Variants in MATN1 observed in about 807,000 individuals in gnomAD.
MATN1 encodes matrilin 1, also known as matrilin-1.
A neutral mutation model predicts 41.3 loss-of-function variants in MATN1; 34 were observed. The observed-to-expected ratio is 0.82, with a 90% confidence interval of 0.63 to 1.10. The LOEUF is 1.10. Ranked by LOEUF, MATN1 falls within the 50% of genes least tolerant of loss-of-function variation. The pLI is 0.00. For missense variants in MATN1, 602 were observed against 662.4 expected (o/e 0.91, Z 1.00); for synonymous variants, 264 against 278.7 (o/e 0.95, Z 0.53).
In MATN1 at chr1:30,716,842, G is replaced by A. The variant is rs189570035; in HGVS notation, c.738C>T (p.Thr246=). The A allele has an allele frequency of 6.1e-4, 978 of 1,614,062 alleles. 8 individuals are homozygous for A. The East Asian group carries it at 0.017, about 28-fold the overall frequency. ...GAGTGAAGCCCTCGTGGCAGGCGCA[G>A]GTGTAGGAACCGGGGGAGCTGATGC... The part of the protein sequence containing the change: ...QVCISSPGSY[T]CACHEGFTLN... Residue 246 remains threonine (T), a synonymous_variant, in exon 4 of 8, where the codon ACC becomes ACT. Coordinates refer to ENST00000373765, the MANE Select transcript of MATN1 (RefSeq NM_002379.3).
intron 7 of MATN1, 33 bp downstream of exon 7, chr1:30,714,214 T>G: frequency 2.3e-6 from 2 of 857,412 alleles, no homozygotes; most frequent in Non-Finnish European, 3.6e-6. Flanking sequence ...CCTGCGCCCC[T>G]CCCCAGCCCC....
intron 3 of MATN1, 43 bp downstream of exon 3, chr1:30,718,692 T>C: frequency 3.9e-6 from 4 of 1,016,168 alleles, no homozygotes; most frequent in Non-Finnish European, 3.9e-6. Flanking sequence ...CGCTCTCCCC[T>C]TCTCCGCCCC....
At position 30,721,687 on chromosome 1, in the gene MATN1, C is replaced by A. The variant is rs1431288706; in HGVS notation, c.159G>T (p.Arg53=). 1 of 1,613,212 alleles carries A rather than the reference C, an allele frequency of 6.2e-7. No homozygotes were observed. ...VFVVDSSRSV[R]PVEFEKVKVF... ...CCTTCACTTTCTCAAATTCAACAGG[C>A]CGAACGCTGCGAGAGCTGTCGACAA... Residue 53 remains arginine, a synonymous_variant, in exon 2 of 8, where the codon CGG becomes CGT. Transcript: ENST00000373765.
chr1:30,715,383 G>A, intron 5 of MATN1, 74 bp from the exon 6 acceptor site: 1 of 1,510,500 alleles, frequency 6.6e-7, no homozygotes, highest in Non-Finnish European at 9.1e-7. Flanking sequence ...CCTGGGGAAG[G>A]CTTAGGCAGC....
At chr1:30,714,620 A>G (rs1163347959) in intron 6 of MATN1, among the ~76,000 whole-genome samples, 1 of 152,180 alleles carries the variant, frequency 6.6e-6, no homozygotes, top group Non-Finnish European at 1.5e-5. Context: ...ATGTCACCTC[A>G]GTGAGTTCAC....
intron 2 of MATN1, chr1:30,720,809 C>T (rs1335953432): frequency 6.5e-6 from 1 of 153,076 alleles, no homozygotes; most frequent in Non-Finnish European, 1.5e-5. Flanking sequence ...TGCCTGGAGC[C>T]CTCACTGACA....
chr1:30,715,816 A>T, intron 5 of MATN1, 93 bp downstream of exon 5: 1 of 1,333,018 alleles, frequency 7.5e-7, no homozygotes, highest in Non-Finnish European at 1.0e-6. Flanking sequence ...TAGGGCACTA[A>T]TCAGACGACA....
Position 30,721,686 on chromosome 1 carries a change from G to T in MATN1, c.160C>A (p.Pro54Thr), listed in dbSNP as rs765812546. The T allele has an allele frequency of 6.2e-7, 1 of 1,613,194 alleles. No individual in the cohort carries two copies. Among genetic ancestry groups the T allele is most frequent in the East Asian group, 2.2e-5 (1 of 44,882 alleles). ...FVVDSSRSVR[P>T]VEFEKVKVFL... The stretch of plus-strand genomic sequence containing the variant: ...ACCTTCACTTTCTCAAATTCAACAG[G>T]CCGAACGCTGCGAGAGCTGTCGACA... Residue 54 changes from proline to threonine, a missense_variant, in exon 2 of 8, where the codon CCT becomes ACT. Coordinates refer to ENST00000373765, the MANE Select transcript of MATN1 (RefSeq NM_002379.3).
chr1:30,723,364 C>A, intron 1 of MATN1, 94 bp downstream of exon 1: 1 of 940,930 alleles, frequency 1.1e-6, no homozygotes, highest in South Asian at 2.0e-5. Flanking sequence ...ATCCTGGATC[C>A]CGTGTGCTCC....
In MATN1 at chr1:30,711,773, G is replaced by C. The variant is rs566671686; in HGVS notation, c.*1809C>G. 1.3e-5 allele frequency: 2 copies of C among 152,380 alleles called. No homozygotes were observed. The highest frequency in any genetic ancestry group is 3.9e-4 in the East Asian group (2 of 5,184). The allele number at this position is 152,380 out of a possible 1,614,324, so 9.4% of individuals were successfully genotyped here. A position where few individuals can be genotyped will look rare whatever the true frequency, so the allele number is the denominator to read the frequency against. ...CTTCTCAGTCCATATCAACATGGCT[G>C]CCTCTCCCCCTCCCCACCTGTGTGG... On this transcript the variant is annotated 3_prime_UTR_variant, in exon 8 of 8. Transcript: ENST00000373765.
At position 30,713,402 on chromosome 1, in the gene MATN1, TGCACACATACACACAC is replaced by T; in HGVS notation, c.*164_*179del. ...GCACACACACACACACACACACACA[TGCACACATACACACAC>T]GCACACATACACACACGAGCTCCCA... is the stretch of plus-strand genomic sequence containing the variant. On this transcript the variant is annotated 3_prime_UTR_variant, in exon 8 of 8. Transcript: ENST00000373765. 3 of 602,326 alleles carry T rather than the reference TGCACACATACACACAC, an allele frequency of 5.0e-6. No homozygotes were observed. Among genetic ancestry groups the T allele is most frequent in the Non-Finnish European group, 6.0e-6 (2 of 331,254 alleles). 37.3% of individuals were successfully genotyped at this position (602,326 alleles called of 1,614,324 possible).
At position 30,723,338 on chromosome 1, in the gene MATN1, C is replaced by T. The variant is rs997480235; in HGVS notation, c.94+120G>A. On this transcript the variant is annotated intron_variant, in intron 1 of 7. Coordinates refer to ENST00000373765, the MANE Select transcript of MATN1 (RefSeq NM_002379.3). ...ACCAGCCCACTGCCCACCACTGCCG[C>T]CCTGCTCCCTTCCCCATCCTGGATC... 3.5e-5 allele frequency: 25 copies of T among 724,250 alleles called. No individual in the cohort carries two copies. In the Admixed American group the frequency reaches 9.1e-4, roughly 26 times the overall value. 44.9% of individuals were successfully genotyped at this position (724,250 alleles called of 1,614,324 possible). A position where few individuals can be genotyped will look rare whatever the true frequency, so the allele number is the denominator to read the frequency against.
At chr1:30,718,200 T>C (rs1307557726) in intron 3 of MATN1, among the ~76,000 whole-genome samples, 1 of 148,532 alleles carries the variant, frequency 6.7e-6, no homozygotes, top group Non-Finnish European at 1.5e-5. Flanking sequence ...CGCCCTCTGA[T>C]GTGGCCCCGC....
rs776752046 is a variant in MATN1, at chr1:30,721,408, G to A, written c.438C>T (p.Ser146=). Residue 146 remains serine, a synonymous_variant, in exon 2 of 8, where the codon AGC becomes AGT. Transcript: ENST00000373765. ...EGGRSRSPDI[S]KVVIVVTDGR... ...TAGCAGGGTGGCGTGCACGTACCTT[G>A]CTGATGTCAGGGGACCTGGAACGAC... is the stretch of plus-strand genomic sequence containing the variant. 6.2e-7 allele frequency: 1 copy of A among 1,606,392 alleles called. No individual in the cohort carries two copies. Among genetic ancestry groups the A allele is most frequent in the Non-Finnish European group, 8.5e-7 (1 of 1,174,144 alleles).
chr1:30,717,375 C>G (rs1639630411), intron 3 of MATN1, among the ~76,000 whole-genome samples: 1 of 152,192 alleles, frequency 6.6e-6, no homozygotes, highest in Non-Finnish European at 1.5e-5. Context: ...AACCCTGATC[C>G]TGTCCTACTG....
Position 30,715,360 on chromosome 1 carries a change from T to C in MATN1, c.1208-51A>G, listed in dbSNP as rs1417423632. ...GGCTGGACATGGGGATGGGCAACCA[T>C]ATGGCTGAGCCTCCTGGGGAAGGCT... On this transcript the variant is annotated intron_variant, in intron 5 of 7. Transcript: ENST00000373765. 4.4e-6 allele frequency: 7 copies of C among 1,597,052 alleles called. No individual in the cohort carries two copies. The African/African-American group carries it at 5.4e-5, about 12-fold the overall frequency.
Position 30,718,966 on chromosome 1 carries a change from C to T in MATN1, c.442-9G>A, listed in dbSNP as rs1639662939. 9 of 1,490,550 alleles carry T rather than the reference C, an allele frequency of 6.0e-6. No individual in the cohort carries two copies. The highest frequency in any genetic ancestry group is 2.5e-5 in the South Asian group (2 of 78,556). The allele number at this position is 1,490,550 out of a possible 1,614,324, so 92.3% of individuals were successfully genotyped here. A position where few individuals can be genotyped will look rare whatever the true frequency, so the allele number is the denominator to read the frequency against. On this transcript the variant is annotated splice_polypyrimidine_tract_variant and intron_variant, in intron 2 of 7. Coordinates refer to ENST00000373765, the MANE Select transcript of MATN1 (RefSeq NM_002379.3). ...GTCACCACGATGACCACCTGCGACA[C>T]GCGGGGCGGTGTGACACCGGGCTCC...
At chr1:30,715,834 A>C in intron 5 of MATN1, 75 bp downstream of exon 5, 2 of 1,464,324 alleles carry the variant, frequency 1.4e-6, no homozygotes, top group Non-Finnish European at 1.8e-6. Flanking sequence ...ACACCAAGAT[A>C]AACTACAGTT....
chr1:30,717,694 G>A (rs1639637992), intron 3 of MATN1, among the ~76,000 whole-genome samples: 2 of 132,004 alleles, frequency 1.5e-5, no homozygotes, highest in South Asian at 4.6e-4. Flanking sequence ...TCGCTCTGTC[G>A]CCCAGGCTGG....
Sources: allele counts gnomAD v4.1 joint callset (sites outside exome capture counted in the v4.1 genomes callset), GRCh38; gene constraint gnomAD v4.1.1; transcripts MANE v1.5; gene names NCBI Gene and HGNC (gene_info 2026-07-23, HGNC 2026-07-21).